The following NTM variants were observed in gnomAD, a reference collection of about 807,000 sequenced individuals.
NTM encodes the protein IgLON family member 2.
NTM carries 13 observed loss-of-function variants against 42.1 expected under a neutral mutation model. The observed-to-expected ratio is 0.31, with a 90% CI of 0.20 to 0.49. NTM has a LOEUF of 0.49. Ranked by LOEUF, NTM falls within the 20% of genes least tolerant of loss-of-function variation. NTM has a pLI of 0.99. For missense variants in NTM, 373 were observed against 452.8 expected (o/e 0.82, Z 1.60); for synonymous variants, 187 against 179.2 (o/e 1.04, Z -0.35).
rs1565659570 is a variant in NTM, at chr11:131,874,040, T to TATATATATAATAATATAATATAATATA, written c.83-37515_83-37514insATAATATAATATAATATAATATATATA. ...TATATAATATAATATAATATATATA[T>TATATATATAATAATATAATATAATATA]ATATATATATATATATATATATATA... On this transcript the variant is annotated intron_variant, in intron 1 of 8. Coordinates refer to ENST00000683400, the MANE Select transcript of NTM (RefSeq NM_001352005.2). Among the ~76,000 whole-genome samples, 6 of 34,054 alleles carry TATATATATAATAATATAATATAATATA rather than the reference T, an allele frequency of 1.8e-4. 1 individual carries two copies. The highest frequency in any genetic ancestry group is 3.4e-4 in the Admixed American group (1 of 2,936). The allele number at this position is 34,054 out of a possible 152,430, so 22.3% of individuals were successfully genotyped here.
intron 1 of NTM, among the ~76,000 whole-genome samples, chr11:131,574,679 T>C (rs2057767180): frequency 6.6e-6 from 1 of 151,794 alleles, no homozygotes; most frequent in Non-Finnish European, 1.5e-5. Flanking sequence ...GTTCCTTGGG[T>C]GAAGAAGAAA....
chr11:131,512,479 C>A (rs570192543), intron 1 of NTM, among the ~76,000 whole-genome samples: 12 of 152,214 alleles, frequency 7.9e-5, no homozygotes, highest in Admixed American at 7.8e-4. Context: ...GCCCAGAGGC[C>A]GACTCCCACA....
intron 1 of NTM, among the ~76,000 whole-genome samples, chr11:131,580,544 C>T (rs1202124805): frequency 6.6e-6 from 1 of 152,106 alleles, no homozygotes; most frequent in Non-Finnish European, 1.5e-5. Context: ...TAGGCCAGGG[C>T]TATTCCGTAG....
intron 4 of NTM, among the ~76,000 whole-genome samples, chr11:132,258,181 G>A (rs769750152): frequency 3.9e-5 from 6 of 152,208 alleles, no homozygotes; most frequent in Non-Finnish European, 7.3e-5. Flanking sequence ...AGTTGGAAAC[G>A]CTCAGCTGGA....
At chr11:131,499,182 A>G (rs545370308) in intron 1 of NTM, among the ~76,000 whole-genome samples, 1 of 152,208 alleles carries the variant, frequency 6.6e-6, no homozygotes, top group Non-Finnish European at 1.5e-5. Context: ...CGATGGTTCT[A>G]CACATTCATT....
At chr11:132,167,627 T>C (rs1376809574) in intron 3 of NTM, among the ~76,000 whole-genome samples, 1 of 152,238 alleles carries the variant, frequency 6.6e-6, no homozygotes, top group East Asian at 1.9e-4. Context: ...TTCAGTTGTC[T>C]GTACTTTTTC....
At chr11:131,624,379 T>C (rs1010750226) in intron 1 of NTM, among the ~76,000 whole-genome samples, 2 of 152,190 alleles carry the variant, frequency 1.3e-5, no homozygotes, top group South Asian at 4.1e-4. Context: ...TCCTCATCTG[T>C]AGAACGGGCA....
At chr11:132,093,593 C>G (rs901006404) in intron 2 of NTM, among the ~76,000 whole-genome samples, 1 of 152,086 alleles carries the variant, frequency 6.6e-6, no homozygotes, top group African/African-American at 2.4e-5. Flanking sequence ...ATAAATCTGT[C>G]TTTTTTGATA....
intron 1 of NTM, among the ~76,000 whole-genome samples, chr11:131,760,554 C>T (rs2083994639): frequency 6.6e-6 from 1 of 152,172 alleles, no homozygotes; most frequent in Admixed American, 6.5e-5. Context: ...TCTGATTCCC[C>T]CGCTCAGTAC....
intron 1 of NTM, among the ~76,000 whole-genome samples, chr11:131,533,031 AAC>A: frequency 6.6e-6 from 1 of 152,322 alleles, no homozygotes; most frequent in Middle Eastern, 3.4e-3. Context: ...AGTTTAATAA[AAC>A]ACAGCTCTGC....
chr11:131,733,745 C>T (rs1231478282), intron 1 of NTM, among the ~76,000 whole-genome samples: 1 of 152,050 alleles, frequency 6.6e-6, no homozygotes, highest in Non-Finnish European at 1.5e-5. Context: ...GCCATGATGG[C>T]CAGGCTGCTC....
chr11:132,173,663 T>C (rs895741317), intron 3 of NTM, among the ~76,000 whole-genome samples: 1 of 152,152 alleles, frequency 6.6e-6, no homozygotes, highest in African/African-American at 2.4e-5. Context: ...GAAAACCAGC[T>C]TGTGGAGGAA....
chr11:131,870,130 C>A (rs2047630145), intron 1 of NTM, among the ~76,000 whole-genome samples: 1 of 152,144 alleles, frequency 6.6e-6, no homozygotes, highest in Admixed American at 6.5e-5. Context: ...AGTCCATTTT[C>A]ATGCACTCTT....
At chr11:132,078,640 C>G (rs1351015010) in intron 2 of NTM, among the ~76,000 whole-genome samples, 3 of 152,198 alleles carry the variant, frequency 2.0e-5, no homozygotes, top group African/African-American at 7.2e-5. Flanking sequence ...CAAGATGTCT[C>G]TAGACATTTT....
At chr11:132,108,381 A>G (rs2062688440) in intron 2 of NTM, among the ~76,000 whole-genome samples, 2 of 152,208 alleles carry the variant, frequency 1.3e-5, no homozygotes, top group South Asian at 4.1e-4. Context: ...TGCCATTTGT[A>G]GCAACCTGGA....
chr11:131,815,925 G>A (rs2092933674), intron 1 of NTM, among the ~76,000 whole-genome samples: 1 of 152,204 alleles, frequency 6.6e-6, no homozygotes, highest in African/African-American at 2.4e-5. Flanking sequence ...CAGGAGGCGG[G>A]GCTTGTGAGC....
intron 1 of NTM, among the ~76,000 whole-genome samples, chr11:131,494,219 A>G (rs1261115542): frequency 6.6e-6 from 1 of 152,190 alleles, no homozygotes; most frequent in Non-Finnish European, 1.5e-5. Context: ...TAAAACTTTG[A>G]GCTCCTACAA....
chr11:131,874,013 T>TA (rs2048187781), intron 1 of NTM, among the ~76,000 whole-genome samples: 4 of 70,680 alleles, frequency 5.7e-5, no homozygotes, highest in African/African-American at 1.5e-4. Flanking sequence ...ATATAATATA[T>TA]TTATATAATA....
chr11:132,321,295 T>C (rs1244913029), intron 7 of NTM, among the ~76,000 whole-genome samples: 1 of 152,070 alleles, frequency 6.6e-6, no homozygotes, highest in African/African-American at 2.4e-5. Flanking sequence ...TTTAGAAGCA[T>C]GTATAACTAG....
Sources: gnomAD v4.1 joint callset for allele counts (sites outside exome capture counted in the v4.1 genomes callset) on GRCh38, gnomAD v4.1.1 for gene constraint, MANE v1.5 for transcripts, NCBI Gene and HGNC (gene_info 2026-07-23, HGNC 2026-07-21) for gene names.